TXNRD3: variants seen among roughly 807,000 people sequenced by gnomAD.
TXNRD3 encodes TXNRD3 neighbor gene protein.
Under a neutral mutation model 78.2 loss-of-function variants are expected in TXNRD3, and 68 were observed. That is an observed-to-expected ratio of 0.87 (90% CI 0.72 to 1.06). The LOEUF (loss-of-function observed/expected upper bound fraction) is 1.06. Among genes scored for constraint, TXNRD3 ranks in the 50% least tolerant of loss-of-function variants. The pLI is 0.00. For synonymous variants in TXNRD3, 296 were observed against 300.1 expected (o/e 0.99, Z 0.14); for missense variants, 751 against 809.5 (o/e 0.93, Z 0.88).
Position 126,630,873 on chromosome 3 carries a change from C to T in TXNRD3, c.1036G>A (p.Ala346Thr). 1 of 1,535,918 alleles carries T rather than the reference C, an allele frequency of 6.5e-7. No individual in the cohort carries two copies. The highest frequency in any genetic ancestry group is 8.7e-7 in the Non-Finnish European group (1 of 1,146,848). Reference sequence around the variant, plus strand: ...GCCAGAAACCCTGCACACTCCAGGGCAACATAAGAGGCACCCACCACTAAT... The same window carrying T: ...GCCAGAAACCCTGCACACTCCAGGGTAACATAAGAGGCACCCACCACTAAT... Residue 346 changes from alanine (A) to threonine (T), a missense_variant, in exon 9 of 16, where the codon GCC (alanine) becomes ACC (threonine). By Grantham distance (58) the Ala-to-Thr change is moderately conservative. Transcript: ENST00000524230.
chr3:126,649,820 C>T (rs1192530656), intron 1 of TXNRD3, among the ~76,000 whole-genome samples: 1 of 152,016 alleles, frequency 6.6e-6, no homozygotes, highest in African/African-American at 2.4e-5. Context: ...GAAAGTCAGA[C>T]GGTGGTCATG....
At chr3:126,640,259 T>C (rs1336792212) in intron 6 of TXNRD3, among the ~76,000 whole-genome samples, 25 of 32,648 alleles carry the variant, frequency 7.7e-4, no homozygotes, top group Non-Finnish European at 1.5e-3. Context: ...CGCCCGCCAC[T>C]ACGCCCGGCT....
intron 13 of TXNRD3, among the ~76,000 whole-genome samples, 164 bp downstream of exon 13, chr3:126,615,191 A>C (rs1938289938): frequency 6.6e-6 from 1 of 152,246 alleles, no homozygotes; most frequent in Non-Finnish European, 1.5e-5. Flanking sequence ...TTTGCTAGAC[A>C]GACAGGATTT....
In TXNRD3 at chr3:126,622,377, C is replaced by T. The variant is rs147616528; in HGVS notation, c.1367+87G>A. 9 of 859,286 alleles carry T rather than the reference C, an allele frequency of 1.0e-5. No individual in the cohort carries two copies. In the African/African-American group the frequency reaches 1.2e-4, roughly 11 times the overall value. The allele number at this position is 859,286 out of a possible 1,614,324, so 53.2% of individuals were successfully genotyped here. ...TTATAAGATAAATTAAGACATATCT[C>T]AGTAATTAAATGAGAATTTCTTAGA... On this transcript the variant is annotated intron_variant, in intron 11 of 15. Transcript: ENST00000524230.
chr3:126,642,150 AC>A lies in TXNRD3; in HGVS notation c.593del (p.Gly198ValfsTer7). The A allele has an allele frequency of 2.0e-6, 3 of 1,531,234 alleles. No individual in the cohort carries two copies. The South Asian group carries it at 3.6e-5, about 18-fold the overall frequency. 94.9% of individuals were successfully genotyped at this position (1,531,234 alleles called of 1,614,324 possible). On this transcript the variant is annotated frameshift_variant and splice_region_variant, in exon 6 of 16. Coordinates refer to ENST00000524230, the MANE Select transcript of TXNRD3 (RefSeq NM_052883.3). LOFTEE classifies it high-confidence loss of function. Reference sequence around the variant, plus strand: ...CTACATTTACACAAGTGCCACCAAGACCTGAGGAAGAAAATAAGTTTTAATG... The same window carrying A: ...CTACATTTACACAAGTGCCACCAAGACTGAGGAAGAAAATAAGTTTTAATG...
Position 126,642,071 on chromosome 3 carries a change from A to G in TXNRD3, c.673T>C (p.Cys225Arg). The G allele has an allele frequency of 6.5e-7, 1 of 1,536,164 alleles. No homozygotes were observed. Among genetic ancestry groups the G allele is most frequent in the Non-Finnish European group, 8.7e-7 (1 of 1,146,880 alleles). Residue 225 changes from cysteine to arginine, a missense_variant, in exon 6 of 16, where the codon TGT becomes CGT. Cys to Arg is a radical substitution (Grantham distance 180, BLOSUM62 -3). Coordinates refer to ENST00000524230, the MANE Select transcript of TXNRD3 (RefSeq NM_052883.3). ...TCCCAGCCAAATTTCCTTGAGTCAC[A>G]TAATGCCTGCCCCAAAAGGGCAGCC...
intron 1 of TXNRD3, among the ~76,000 whole-genome samples, chr3:126,649,027 G>A (rs984656310): frequency 6.6e-6 from 1 of 152,114 alleles, no homozygotes; most frequent in Non-Finnish European, 1.5e-5. Flanking sequence ...AAAAAGAAAA[G>A]AGGACATTAT....
intron 9 of TXNRD3, among the ~76,000 whole-genome samples, chr3:126,629,984 C>T (rs1370265119): frequency 6.6e-6 from 1 of 152,098 alleles, no homozygotes; most frequent in South Asian, 2.1e-4. Context: ...AAACTATGGG[C>T]CTAGAGAAGA....
chr3:126,621,798 C>A lies in TXNRD3; in HGVS notation c.1468G>T (p.Ala490Ser), dbSNP rs762130002. Residue 490 changes from alanine to serine, a missense_variant, in exon 12 of 16, where the codon GCC becomes TCC. By Grantham distance (99) the Ala-to-Ser change is moderately conservative. Coordinates refer to ENST00000524230, the MANE Select transcript of TXNRD3 (RefSeq NM_052883.3). ...GCTAGCAGCTTGCCTGACTGTATGG[C>A]GACAGGAGTGAGCTCTGGCTTATCC... The A allele has an allele frequency of 2.6e-6, 4 of 1,534,724 alleles. No individual in the cohort carries two copies. Among genetic ancestry groups the A allele is most frequent in the South Asian group, 1.2e-5 (1 of 83,618 alleles).
chr3:126,623,611 T>A (rs376490177), intron 10 of TXNRD3, among the ~76,000 whole-genome samples: 1 of 152,096 alleles, frequency 6.6e-6, no homozygotes, highest in Non-Finnish European at 1.5e-5. Flanking sequence ...ACCATCTCAA[T>A]AGATGCAATA....
chr3:126,648,058 T>C (rs911420447), intron 1 of TXNRD3, among the ~76,000 whole-genome samples: 3 of 152,200 alleles, frequency 2.0e-5, no homozygotes, highest in Admixed American at 6.5e-5. Context: ...CAAAAATCAG[T>C]TGATTTTCTG....
At chr3:126,620,951 C>T (rs1019515913) in intron 12 of TXNRD3, among the ~76,000 whole-genome samples, 4 of 152,152 alleles carry the variant, frequency 2.6e-5, no homozygotes, top group Non-Finnish European at 4.4e-5. Context: ...ATCCGTCTCC[C>T]GCCAACTCCA....
At chr3:126,616,609 C>A (rs1938325064) in intron 12 of TXNRD3, among the ~76,000 whole-genome samples, 1 of 152,182 alleles carries the variant, frequency 6.6e-6, no homozygotes, top group African/African-American at 2.4e-5. Flanking sequence ...GGCCCCAGAG[C>A]AGCTGGGACC....
intron 12 of TXNRD3, among the ~76,000 whole-genome samples, chr3:126,620,096 C>T (rs1442450154): frequency 1.3e-5 from 2 of 151,892 alleles, no homozygotes; most frequent in African/African-American, 4.8e-5. Flanking sequence ...GAGATTGAGA[C>T]CATCCTGGCT....
At chr3:126,650,523 C>G (rs760468269) in intron 1 of TXNRD3, among the ~76,000 whole-genome samples, 13 of 152,012 alleles carry the variant, frequency 8.6e-5, no homozygotes, top group Admixed American at 2.0e-4. Flanking sequence ...CACCTGTAGT[C>G]CCACCTATTT....
chr3:126,633,885 C>T (rs1559776248), intron 7 of TXNRD3, 24 bp downstream of exon 7: 1 of 1,448,182 alleles, frequency 6.9e-7, no homozygotes, highest in Admixed American at 2.7e-5. Flanking sequence ...AGGAGATGAA[C>T]AAGACAAGAA....
intron 1 of TXNRD3, among the ~76,000 whole-genome samples, chr3:126,653,235 GT>G (rs1933431487): frequency 6.6e-6 from 1 of 152,168 alleles, no homozygotes; most frequent in Non-Finnish European, 1.5e-5. Context: ...AATAAAACTG[GT>G]TTTGTTACAT....
In TXNRD3 at chr3:126,607,819, C is replaced by CT. The variant is rs1938083832; in HGVS notation, c.*85_*86insA. On this transcript the variant is annotated 3_prime_UTR_variant, in exon 16 of 16. Coordinates refer to ENST00000524230, the MANE Select transcript of TXNRD3 (RefSeq NM_052883.3). ...GGTCCCTGAGTAACAGAGCAGCTGT[C>CT]ATGAGCACAGGCTCATTTTATCCGA... 8.7e-7 allele frequency: 1 copy of CT among 1,143,938 alleles called. No individual in the cohort carries two copies. The highest frequency in any genetic ancestry group is 1.2e-6 in the Non-Finnish European group (1 of 820,564). 70.9% of individuals were successfully genotyped at this position (1,143,938 alleles called of 1,614,324 possible). A position where few individuals can be genotyped will look rare whatever the true frequency, so the allele number is the denominator to read the frequency against.
chr3:126,620,249 C>G (rs932122657), intron 12 of TXNRD3, among the ~76,000 whole-genome samples: 2 of 142,754 alleles, frequency 1.4e-5, no homozygotes, highest in Non-Finnish European at 3.0e-5. Flanking sequence ...GAGCAGAGAT[C>G]GAGCCACTGC....
Sources: gnomAD v4.1 joint callset for allele counts (sites outside exome capture counted in the v4.1 genomes callset) on GRCh38, gnomAD v4.1.1 for gene constraint, MANE v1.5 for transcripts, NCBI Gene and HGNC (gene_info 2026-07-23, HGNC 2026-07-21) for gene names.